GALNT14: variants seen among roughly 807,000 people sequenced by gnomAD.
The protein encoded by GALNT14 is UDP-GalNAc:polypeptide N-acetylgalactosaminyltransferase 14.
In GALNT14, 60 loss-of-function variants were observed where a neutral mutation model predicts 77.5. The ratio of observed to expected loss-of-function variants is 0.77; its 90% confidence interval spans 0.63 to 0.96. The LOEUF (loss-of-function observed/expected upper bound fraction) is 0.96, where lower values mean the gene tolerates loss of function less well. Among genes scored for constraint, GALNT14 ranks in the 40% least tolerant of loss-of-function variants. The pLI is 0.00. For missense variants in GALNT14, 710 were observed against 731.0 expected, an observed-to-expected ratio of 0.97 and a Z score of 0.33; for synonymous variants, 280 against 281.7, an observed-to-expected ratio of 0.99 and a Z score of 0.06.
chr2:31,101,071 A>G (rs1371029402), intron 1 of GALNT14, among the ~76,000 whole-genome samples: 1 of 152,078 alleles, frequency 6.6e-6, no homozygotes, highest in Non-Finnish European at 1.5e-5. Context: ...TCAAAGCATC[A>G]TGAGTCAGGG....
At chr2:30,928,722 T>C (rs939473419) in intron 11 of GALNT14, among the ~76,000 whole-genome samples, 18 of 152,160 alleles carry the variant, frequency 1.2e-4, no homozygotes. Context: ...GTTCAAGCGA[T>C]TCTCCTGCCT....
chr2:30,957,780 G>A (rs1667455461), intron 4 of GALNT14, among the ~76,000 whole-genome samples: 2 of 152,338 alleles, frequency 1.3e-5, no homozygotes, highest in South Asian at 4.1e-4. Context: ...TCACCAGGAA[G>A]AGGGTGTTCT....
Position 31,104,125 on chromosome 2 carries a change from C to A in GALNT14, c.129+33833G>T, listed in dbSNP as rs765442826. On this transcript the variant is annotated intron_variant, in intron 1 of 14. Transcript: ENST00000349752. ...GTGGCCAACCTGGTATTTTTCTCCT[C>A]ATAAGTGACTTGATCTCTTTGCCTG... Among the ~76,000 whole-genome samples the A allele has an allele frequency of 3.3e-5, 5 of 152,132 alleles. No individual in the cohort carries two copies. In the East Asian group the frequency reaches 9.6e-4, roughly 29 times the overall value.
intron 13 of GALNT14, among the ~76,000 whole-genome samples, chr2:30,914,191 C>T (rs149679224): frequency 1.3e-5 from 2 of 152,328 alleles, no homozygotes; most frequent in African/African-American, 4.8e-5. Flanking sequence ...TTACTATTAT[C>T]CTCATTTTAT....
chr2:31,017,012 C>A (rs191599702), intron 1 of GALNT14, among the ~76,000 whole-genome samples: 16 of 152,316 alleles, frequency 1.1e-4, no homozygotes, highest in African/African-American at 3.8e-4. Context: ...CCCTGCAAGG[C>A]AAATAATGTG....
At chr2:31,004,608 G>A (rs1462741541) in intron 1 of GALNT14, among the ~76,000 whole-genome samples, 1 of 152,182 alleles carries the variant, frequency 6.6e-6, no homozygotes, top group Non-Finnish European at 1.5e-5. Flanking sequence ...TCAGAGAAAG[G>A]AGGCCAAATC....
At chr2:31,129,411 A>T (rs1217132429) in intron 1 of GALNT14, 3 of 985,346 alleles carry the variant, frequency 3.0e-6, no homozygotes, top group Non-Finnish European at 3.6e-6. Flanking sequence ...TTTAATTAGT[A>T]AAGTCTTTCA....
chr2:31,047,504 T>C (rs1233323692), intron 1 of GALNT14, among the ~76,000 whole-genome samples: 1 of 152,206 alleles, frequency 6.6e-6, no homozygotes, highest in African/African-American at 2.4e-5. Context: ...GCTTCAGAAT[T>C]GGTCCTTTCT....
chr2:30,923,120 T>C (rs1665138542), intron 13 of GALNT14, among the ~76,000 whole-genome samples: 2 of 145,618 alleles, frequency 1.4e-5, no homozygotes, highest in South Asian at 4.3e-4. Flanking sequence ...TGGAGTGCAA[T>C]GGTGTGATCT....
chr2:31,056,859 C>A (rs72854854), intron 1 of GALNT14, among the ~76,000 whole-genome samples: 6,601 of 152,102 alleles, frequency 0.043, 528 homozygotes, highest in African/African-American at 0.15. Context: ...TACACACGAT[C>A]GCAAACACAT....
chr2:30,893,884 A>G, the GALNT14 span, among the ~76,000 whole-genome samples: 1 of 152,152 alleles, frequency 6.6e-6, no homozygotes, highest in Non-Finnish European at 1.5e-5. Flanking sequence ...AAGTATTGTC[A>G]TCTCACAACC....
intron 2 of GALNT14, among the ~76,000 whole-genome samples, chr2:30,986,194 G>A (rs1254745304): frequency 1.3e-4 from 20 of 152,192 alleles, no homozygotes; most frequent in Admixed American, 1.2e-3. Context: ...ACAAAGGCTG[G>A]GAGAATATGT....
chr2:31,013,642 G>A (rs1252615189), intron 1 of GALNT14, among the ~76,000 whole-genome samples: 1 of 152,172 alleles, frequency 6.6e-6, no homozygotes, highest in Non-Finnish European at 1.5e-5. Context: ...GCACCTATGA[G>A]CCCATTTTGA....
chr2:31,116,067 T>C (rs1224136157), intron 1 of GALNT14, among the ~76,000 whole-genome samples: 1 of 152,026 alleles, frequency 6.6e-6, no homozygotes, highest in Non-Finnish European at 1.5e-5. Flanking sequence ...GAGTAAAACA[T>C]CCTGGCAGAA....
At chr2:31,122,412 A>G (rs1558583054) in intron 1 of GALNT14, among the ~76,000 whole-genome samples, 1 of 152,246 alleles carries the variant, frequency 6.6e-6, no homozygotes, top group Non-Finnish European at 1.5e-5. Context: ...ATTTAACTCC[A>G]AGAAAATAAA....
chr2:31,134,218 T>A (rs1405547336), intron 1 of GALNT14, among the ~76,000 whole-genome samples: 1 of 152,224 alleles, frequency 6.6e-6, no homozygotes, highest in Non-Finnish European at 1.5e-5. Context: ...GAGCCCTTAA[T>A]ACAGCTCTCT....
rs556070456 is a variant in GALNT14, at chr2:31,132,403, A to AAGAGC, written c.129+5550_129+5554dup. Among the ~76,000 whole-genome samples, 407 of 152,256 alleles carry AAGAGC rather than the reference A, an allele frequency of 2.7e-3. 2 individuals are homozygous for AAGAGC. Among genetic ancestry groups the AAGAGC allele is most frequent in the Non-Finnish European group, 4.3e-3 (290 of 68,026 alleles). ...ATTTGCATATTTCTCAGTCACTCACAAGAGCCTCTGCAGGAGCCAGCTGTG... is the reference window on the plus strand; with the variant it reads ...ATTTGCATATTTCTCAGTCACTCACAAGAGCAGAGCCTCTGCAGGAGCCAGCTGTG... On this transcript the variant is annotated intron_variant, in intron 1 of 14. Coordinates refer to ENST00000349752, the MANE Select transcript of GALNT14 (RefSeq NM_024572.4).
At chr2:31,004,298 G>A (rs1298466588) in intron 1 of GALNT14, among the ~76,000 whole-genome samples, 1 of 152,210 alleles carries the variant, frequency 6.6e-6, no homozygotes, top group African/African-American at 2.4e-5. Flanking sequence ...TGGACTGGGT[G>A]GAAGCACAGG....
At chr2:30,895,777 C>T in the GALNT14 span, among the ~76,000 whole-genome samples, 1 of 152,196 alleles carries the variant, frequency 6.6e-6, no homozygotes, top group Admixed American at 6.5e-5. Context: ...TCCCTCCCAC[C>T]TTCTCTTTCC....
Sources: allele counts gnomAD v4.1 joint callset (sites outside exome capture counted in the v4.1 genomes callset), GRCh38; gene constraint gnomAD v4.1.1; transcripts MANE v1.5; gene names NCBI Gene and HGNC (gene_info 2026-07-23, HGNC 2026-07-21).